Variants in PPP3CA observed in about 807,000 individuals in gnomAD.
PPP3CA encodes the protein protein phosphatase 3 catalytic subunit alpha.
In PPP3CA, 14 loss-of-function variants were observed where a neutral mutation model predicts 66.5. The ratio of observed to expected loss-of-function variants is 0.21; its 90% CI spans 0.14 to 0.33. PPP3CA has a LOEUF of 0.33. PPP3CA is among the 10% of genes least tolerant of loss of function. The pLI, the probability that PPP3CA is intolerant of heterozygous loss-of-function variation, is 1.00. For missense variants in PPP3CA, 317 were observed against 639.5 expected (o/e 0.50, Z 5.44); for synonymous variants, 232 against 226.2 (o/e 1.03, Z -0.23).
chr4:101,293,049 C>T (rs1179639561), intron 1 of PPP3CA, among the ~76,000 whole-genome samples: 3 of 152,136 alleles, frequency 2.0e-5, no homozygotes, highest in African/African-American at 7.2e-5. Flanking sequence ...TACCATTGTA[C>T]TCTTAGTGTT....
chr4:101,046,223 C>T (rs1288340576), intron 10 of PPP3CA, among the ~76,000 whole-genome samples: 1 of 149,100 alleles, frequency 6.7e-6, no homozygotes, highest in African/African-American at 2.5e-5. Flanking sequence ...TTATTAGTTT[C>T]AACACATTTT....
At chr4:101,294,984 C>G (rs971741137) in intron 1 of PPP3CA, among the ~76,000 whole-genome samples, 1 of 152,094 alleles carries the variant, frequency 6.6e-6, no homozygotes, top group East Asian at 1.9e-4. Flanking sequence ...AGAAAAAGGG[C>G]TACTGGTATA....
intron 2 of PPP3CA, among the ~76,000 whole-genome samples, chr4:101,162,081 A>C (rs1037691032): frequency 4.6e-5 from 7 of 152,106 alleles, no homozygotes; most frequent in African/African-American, 1.7e-4. Context: ...CTCTACTAAA[A>C]ATACAAAAAT....
chr4:101,031,126 T>TA (rs1164674752), intron 12 of PPP3CA, among the ~76,000 whole-genome samples: 4 of 152,190 alleles, frequency 2.6e-5, no homozygotes, highest in Non-Finnish European at 5.9e-5. Flanking sequence ...TAAAGACAAT[T>TA]AATGTGATGC....
intron 2 of PPP3CA, among the ~76,000 whole-genome samples, chr4:101,124,322 T>C (rs562781369): frequency 7.9e-5 from 12 of 152,104 alleles, no homozygotes; most frequent in African/African-American, 2.6e-4. Context: ...ATGAAGTACA[T>C]AGAAATAACT....
intron 1 of PPP3CA, among the ~76,000 whole-genome samples, chr4:101,325,437 A>G (rs1729179048): frequency 6.6e-6 from 1 of 152,238 alleles, no homozygotes; most frequent in African/African-American, 2.4e-5. Flanking sequence ...AAAAGATACC[A>G]CAAGTCAAAG....
intron 1 of PPP3CA, among the ~76,000 whole-genome samples, chr4:101,306,212 G>A (rs1160708896): frequency 1.3e-5 from 2 of 152,140 alleles, no homozygotes; most frequent in East Asian, 3.8e-4. Flanking sequence ...ATTAATCTAA[G>A]CGCATATGGG....
At chr4:101,298,258 A>T (rs1560704987) in intron 1 of PPP3CA, among the ~76,000 whole-genome samples, 1 of 151,934 alleles carries the variant, frequency 6.6e-6, no homozygotes. Context: ...CCAAAGCCTC[A>T]TATTTCCTTT....
chr4:101,250,043 T>C (rs1364388806), intron 1 of PPP3CA, among the ~76,000 whole-genome samples: 2 of 152,200 alleles, frequency 1.3e-5, no homozygotes, highest in Non-Finnish European at 2.9e-5. Flanking sequence ...ATGATGGTAA[T>C]AGTTTATTCA....
intron 1 of PPP3CA, among the ~76,000 whole-genome samples, chr4:101,302,016 C>A (rs1196613826): frequency 6.6e-6 from 1 of 151,918 alleles, no homozygotes; most frequent in Non-Finnish European, 1.5e-5. Flanking sequence ...GAATGCAAAG[C>A]TACACAGCTT....
chr4:101,075,568 C>G (rs1729150757), intron 8 of PPP3CA, among the ~76,000 whole-genome samples: 1 of 151,298 alleles, frequency 6.6e-6, no homozygotes, highest in Non-Finnish European at 1.5e-5. Flanking sequence ...ACTTTAGATT[C>G]TTTTGAAGCA....
intron 1 of PPP3CA, among the ~76,000 whole-genome samples, chr4:101,232,491 G>A (rs1185606935): frequency 6.6e-6 from 1 of 151,764 alleles, no homozygotes; most frequent in East Asian, 1.9e-4. Context: ...ATCAGCAAGA[G>A]TATATGCAAT....
intron 10 of PPP3CA, among the ~76,000 whole-genome samples, chr4:101,043,100 T>C (rs766025668): frequency 2.6e-5 from 4 of 152,130 alleles, no homozygotes; most frequent in Non-Finnish European, 5.9e-5. Flanking sequence ...AACTGGTCAC[T>C]ATATTTAGAA....
intron 10 of PPP3CA, among the ~76,000 whole-genome samples, chr4:101,060,878 A>C (rs890834168): frequency 6.6e-6 from 1 of 152,174 alleles, no homozygotes; most frequent in Non-Finnish European, 1.5e-5. Flanking sequence ...CTACTTTAAC[A>C]ATGTTTTTAA....
At chr4:101,159,490 C>A (rs1723432619) in intron 2 of PPP3CA, among the ~76,000 whole-genome samples, 1 of 152,046 alleles carries the variant, frequency 6.6e-6, no homozygotes, top group Non-Finnish European at 1.5e-5. Context: ...ACACTTCCAC[C>A]CAAAAGAAAC....
rs1414531550 is a variant in PPP3CA, at chr4:101,025,270, A to G, written c.*595T>C. On this transcript the variant is annotated 3_prime_UTR_variant, in exon 14 of 14. Transcript: ENST00000394854. ...ATTAAACTGTCCTTTTTGGCATTTTAACAAATTTGCAACGTTCTTTTTTTT... is the reference window on the plus strand; with the variant it reads ...ATTAAACTGTCCTTTTTGGCATTTTGACAAATTTGCAACGTTCTTTTTTTT... 1 of 151,834 alleles carries G rather than the reference A, an allele frequency of 6.6e-6. No individual in the cohort carries two copies. The highest frequency in any genetic ancestry group is 1.5e-5 in the Non-Finnish European group (1 of 67,856). 9.4% of individuals were successfully genotyped at this position (151,834 alleles called of 1,614,324 possible).
intron 1 of PPP3CA, among the ~76,000 whole-genome samples, chr4:101,315,463 C>T (rs1018050921): frequency 1.3e-5 from 2 of 152,186 alleles, no homozygotes; most frequent in African/African-American, 4.8e-5. Flanking sequence ...GATTCATGCT[C>T]TTTCCCCCAT....
intron 1 of PPP3CA, among the ~76,000 whole-genome samples, chr4:101,210,328 C>A (rs1725262504): frequency 6.6e-6 from 1 of 152,144 alleles, no homozygotes; most frequent in South Asian, 2.1e-4. Context: ...TTTCTTCAAG[C>A]TTTTCAGAGA....
chr4:101,051,634 A>T (rs1197347715), intron 10 of PPP3CA, among the ~76,000 whole-genome samples: 1 of 152,114 alleles, frequency 6.6e-6, no homozygotes, highest in Admixed American at 6.6e-5. Flanking sequence ...AAATACAGAG[A>T]TTCTTTGCTT....
Sources: gnomAD v4.1 joint callset for allele counts (sites outside exome capture counted in the v4.1 genomes callset) on GRCh38, gnomAD v4.1.1 for gene constraint, MANE v1.5 for transcripts, NCBI Gene and HGNC (gene_info 2026-07-23, HGNC 2026-07-21) for gene names.